Variants in NAV2 observed in about 807,000 individuals in gnomAD.
NAV2 encodes the protein helicase, APC down-regulated 1.
In NAV2, 54 loss-of-function variants were observed where a neutral mutation model predicts 223.2. The ratio of observed to expected loss-of-function variants is 0.24; its 90% confidence interval spans 0.19 to 0.30. The LOEUF (loss-of-function observed/expected upper bound fraction) is 0.30, where lower values mean the gene tolerates loss of function less well. Ranked by LOEUF, NAV2 falls within the 10% of genes least tolerant of loss-of-function variation. The probability of loss-of-function intolerance (pLI) is 1.00; values close to 1 mark genes in which losing one functional copy is unlikely to be tolerated. For missense variants in NAV2, 2,806 were observed against 3,147.5 expected, an observed-to-expected ratio of 0.89 and a Z score of 2.60; for synonymous variants, 1,279 against 1,239.3, an observed-to-expected ratio of 1.03 and a Z score of -0.67.
intron 2 of NAV2, among the ~76,000 whole-genome samples, chr11:19,839,981 T>G (rs2060423589): frequency 6.6e-6 from 1 of 152,196 alleles, no homozygotes; most frequent in Non-Finnish European, 1.5e-5. Context: ...GTTACTAAAT[T>G]CAGCTTTGAA....
At chr11:19,654,313 T>C (rs1054586200) in intron 1 of NAV2, among the ~76,000 whole-genome samples, 1 of 152,186 alleles carries the variant, frequency 6.6e-6, no homozygotes, top group Admixed American at 6.5e-5. Flanking sequence ...ATGGCCATAC[T>C]GCCAAAGGTA....
chr11:19,363,343 G>A (rs946511382), intron 1 of NAV2, among the ~76,000 whole-genome samples: 35 of 152,216 alleles, frequency 2.3e-4, no homozygotes, highest in African/African-American at 8.4e-4. Flanking sequence ...AGTATTCCAT[G>A]GTGTACATGT....
chr11:20,110,796 G>A (rs2062561539), intron 36 of NAV2, among the ~76,000 whole-genome samples: 1 of 152,124 alleles, frequency 6.6e-6, no homozygotes, highest in South Asian at 2.1e-4. Flanking sequence ...CTACTCTAGG[G>A]TCACCTGCCC....
At chr11:19,760,815 G>T (rs2054677908) in intron 1 of NAV2, among the ~76,000 whole-genome samples, 1 of 152,162 alleles carries the variant, frequency 6.6e-6, no homozygotes, top group African/African-American at 2.4e-5. Flanking sequence ...GAAAAGTAGG[G>T]AGAAAAAATA....
rs915927569 is a variant in NAV2, at chr11:19,408,756, C to T, written c.75+57729C>T. On this transcript the variant is annotated intron_variant, in intron 1 of 37. Transcript: ENST00000360655. ...TCTGCCCAAGGTCACTGCCAGTGAA[C>T]GGCAGAGCCAGAATTCGAGCCTGGG... 1.1e-4 allele frequency among the ~76,000 whole-genome samples: 16 copies of T among 152,060 alleles called. 1 individual carries two copies. The highest frequency in any genetic ancestry group is 6.5e-4 in the Admixed American group (10 of 15,278).
At chr11:19,858,322 T>C (rs1168068879) in intron 3 of NAV2, among the ~76,000 whole-genome samples, 2 of 152,242 alleles carry the variant, frequency 1.3e-5, no homozygotes, top group Admixed American at 1.3e-4. Context: ...TGTCTTTCTG[T>C]ACCTAGATTA....
chr11:19,492,133 A>G (rs1313577046), intron 1 of NAV2, among the ~76,000 whole-genome samples: 2 of 152,242 alleles, frequency 1.3e-5, no homozygotes, highest in Admixed American at 6.5e-5. Context: ...ATTGGTCACC[A>G]TAACAGATAC....
chr11:19,529,232 A>G (rs1195360739), intron 1 of NAV2, among the ~76,000 whole-genome samples: 1 of 152,246 alleles, frequency 6.6e-6, no homozygotes, highest in Non-Finnish European at 1.5e-5. Flanking sequence ...CTTGGAAAGC[A>G]GGAGCTGAAG....
chr11:19,648,050 T>G (rs1400468582), intron 1 of NAV2, among the ~76,000 whole-genome samples: 3 of 152,234 alleles, frequency 2.0e-5, no homozygotes, highest in Non-Finnish European at 2.9e-5. Context: ...TGCTGTGGTA[T>G]GCTGGAGTCA....
At chr11:19,661,193 A>G (rs547795381) in intron 1 of NAV2, among the ~76,000 whole-genome samples, 36 of 152,230 alleles carry the variant, frequency 2.4e-4, no homozygotes, top group Admixed American at 1.8e-3. Flanking sequence ...ATGGAATCCT[A>G]TAGTGTTTTC....
chr11:19,843,351 T>G (rs1397700265), intron 3 of NAV2, among the ~76,000 whole-genome samples: 1 of 152,172 alleles, frequency 6.6e-6, no homozygotes, highest in East Asian at 1.9e-4. Flanking sequence ...CCTTTAAAGG[T>G]TGGAATGATG....
intron 1 of NAV2, among the ~76,000 whole-genome samples, chr11:19,501,747 A>G (rs2042968709): frequency 6.6e-6 from 1 of 151,882 alleles, no homozygotes; most frequent in African/African-American, 2.4e-5. Flanking sequence ...GTAGGGTAGC[A>G]GCAGCAGAAA....
chr11:19,477,980 T>C, intron 1 of NAV2, among the ~76,000 whole-genome samples: 1 of 152,212 alleles, frequency 6.6e-6, no homozygotes, highest in East Asian at 1.9e-4. Flanking sequence ...AAGGCTAACT[T>C]GCTGCTATCA....
chr11:19,820,154 T>C (rs1172999623), intron 1 of NAV2, among the ~76,000 whole-genome samples: 1 of 152,262 alleles, frequency 6.6e-6, no homozygotes, highest in Admixed American at 6.5e-5. Flanking sequence ...GAGAGAGGCC[T>C]TGTAGTGGCC....
chr11:19,910,528 C>CA (rs1394607175), intron 6 of NAV2, among the ~76,000 whole-genome samples: 4 of 152,152 alleles, frequency 2.6e-5, no homozygotes, highest in Non-Finnish European at 5.9e-5. Context: ...CAGAGGCGCC[C>CA]TGGAGTTTGT....
chr11:19,808,028 G>A (rs1169853865), intron 1 of NAV2, among the ~76,000 whole-genome samples: 2 of 152,172 alleles, frequency 1.3e-5, no homozygotes, highest in African/African-American at 4.8e-5. Flanking sequence ...GATGAGCTTG[G>A]TATTGAGACC....
chr11:19,770,537 A>T (rs2055633803), intron 1 of NAV2, among the ~76,000 whole-genome samples: 1 of 152,176 alleles, frequency 6.6e-6, no homozygotes, highest in Non-Finnish European at 1.5e-5. Flanking sequence ...CAGGCCCCGG[A>T]TGTTGAACAG....
intron 12 of NAV2, among the ~76,000 whole-genome samples, chr11:20,037,801 G>A (rs539635041): frequency 2.0e-5 from 3 of 152,264 alleles, no homozygotes; most frequent in South Asian, 2.1e-4. Context: ...GCCCAGCCAG[G>A]CTATGCTCCT....
chr11:19,943,335 AAC>A (rs552480451), intron 8 of NAV2, among the ~76,000 whole-genome samples: 70 of 152,332 alleles, frequency 4.6e-4, no homozygotes, highest in Admixed American at 1.3e-3. Flanking sequence ...TTTTTAAAAA[AAC>A]ACATACATAT....
Sources: gnomAD v4.1 joint callset for allele counts (sites outside exome capture counted in the v4.1 genomes callset) on GRCh38, gnomAD v4.1.1 for gene constraint, MANE v1.5 for transcripts, NCBI Gene and HGNC (gene_info 2026-07-23, HGNC 2026-07-21) for gene names.